The following CTNNA3 variants were observed in gnomAD, a reference collection of about 807,000 sequenced individuals.
CTNNA3 encodes catenin alpha 3.
Under a neutral mutation model 95.7 loss-of-function variants are expected in CTNNA3, and 76 were observed. That is an observed-to-expected ratio of 0.79 (90% CI 0.66 to 0.96). CTNNA3 has a LOEUF of 0.96. Ranked by LOEUF, CTNNA3 falls within the 40% of genes least tolerant of loss-of-function variation. CTNNA3 has a pLI of 0.00. For synonymous variants in CTNNA3, 431 were observed against 374.4 expected, an observed-to-expected ratio of 1.15 and a Z score of -1.74; for missense variants, 1,191 against 1,089.8, an observed-to-expected ratio of 1.09 and a Z score of -1.31.
At chr10:67,343,403 C>T (rs927948463) in intron 5 of CTNNA3, among the ~76,000 whole-genome samples, 4 of 152,010 alleles carry the variant, frequency 2.6e-5, no homozygotes, top group African/African-American at 9.7e-5. Flanking sequence ...AATATCTTTC[C>T]ATTTTTTGGT....
chr10:67,550,603 T>C (rs1840989776), intron 3 of CTNNA3, among the ~76,000 whole-genome samples: 1 of 151,276 alleles, frequency 6.6e-6, no homozygotes, highest in Non-Finnish European at 1.5e-5. Flanking sequence ...AAGAATAAAT[T>C]ATTTAAATTA....
intron 7 of CTNNA3, among the ~76,000 whole-genome samples, chr10:66,863,995 C>CA (rs1410759978): frequency 6.6e-6 from 1 of 151,918 alleles, no homozygotes; most frequent in Non-Finnish European, 1.5e-5. Flanking sequence ...CAATTTCTAC[C>CA]AAAATCCTAC....
intron 14 of CTNNA3, among the ~76,000 whole-genome samples, chr10:66,078,348 A>C (rs748261667): frequency 2.0e-5 from 3 of 151,860 alleles, no homozygotes; most frequent in Non-Finnish European, 4.4e-5. Flanking sequence ...CTTCAATTCC[A>C]GACACTTCAA....
intron 7 of CTNNA3, among the ~76,000 whole-genome samples, chr10:67,005,811 G>A (rs960323931): frequency 3.4e-5 from 5 of 147,304 alleles, no homozygotes; most frequent in Non-Finnish European, 5.9e-5. Context: ...TCAGCCTCCC[G>A]AGTAACTGGG....
chr10:66,016,603 G>A (rs185899145), intron 15 of CTNNA3, among the ~76,000 whole-genome samples: 1 of 152,206 alleles, frequency 6.6e-6, no homozygotes, highest in East Asian at 1.9e-4. Context: ...TAAAGAGTGA[G>A]TCTAATTCCA....
intron 16 of CTNNA3, among the ~76,000 whole-genome samples, chr10:65,973,099 G>A (rs1050810662): frequency 1.3e-5 from 2 of 152,054 alleles, no homozygotes; most frequent in Admixed American, 1.3e-4. Flanking sequence ...ACAAAAATAA[G>A]CAGTGACTCC....
chr10:66,051,006 AC>A (rs1230679630), intron 15 of CTNNA3, among the ~76,000 whole-genome samples: 1 of 152,078 alleles, frequency 6.6e-6, no homozygotes, highest in Non-Finnish European at 1.5e-5. Flanking sequence ...GGTGTGGGCT[AC>A]CATGCCCAGC....
At chr10:66,215,815 G>A (rs537885911) in intron 13 of CTNNA3, among the ~76,000 whole-genome samples, 2 of 152,314 alleles carry the variant, frequency 1.3e-5, no homozygotes, top group African/African-American at 4.8e-5. Flanking sequence ...TGCTGCCCAA[G>A]GTGGAAGGCA....
intron 13 of CTNNA3, among the ~76,000 whole-genome samples, chr10:66,203,556 T>A (rs1456104808): frequency 6.6e-6 from 1 of 151,998 alleles, no homozygotes; most frequent in Admixed American, 6.6e-5. Context: ...ACAAGGGCCA[T>A]AATTATAACA....
intron 7 of CTNNA3, among the ~76,000 whole-genome samples, chr10:66,830,696 G>A (rs984295681): frequency 1.3e-5 from 2 of 151,254 alleles, no homozygotes; most frequent in African/African-American, 2.4e-5. Context: ...CGCAAGCTCC[G>A]CCTCCTGGGT....
At chr10:66,894,996 T>C (rs1199657948) in intron 7 of CTNNA3, among the ~76,000 whole-genome samples, 1 of 142,390 alleles carries the variant, frequency 7.0e-6, no homozygotes, top group Non-Finnish European at 1.5e-5. Flanking sequence ...AAATTATATA[T>C]ATTTATATAT....
At chr10:66,340,418 A>C (rs2092441752) in intron 12 of CTNNA3, among the ~76,000 whole-genome samples, 1 of 151,804 alleles carries the variant, frequency 6.6e-6, no homozygotes, top group Non-Finnish European at 1.5e-5. Flanking sequence ...CTAAACTCTA[A>C]TTTAGAGATG....
chr10:67,357,650 C>A (rs1286769873), intron 5 of CTNNA3, among the ~76,000 whole-genome samples: 2 of 151,958 alleles, frequency 1.3e-5, no homozygotes, highest in Non-Finnish European at 2.9e-5. Context: ...AAAAATACAA[C>A]AGTTGGTTTG....
chr10:66,421,961 A>C (rs1210543659), intron 11 of CTNNA3, among the ~76,000 whole-genome samples: 1 of 142,576 alleles, frequency 7.0e-6, no homozygotes, highest in Non-Finnish European at 1.5e-5. Flanking sequence ...CAGGGTTGAA[A>C]TGAATCCTGC....
chr10:66,820,564 C>T (rs1842272405), intron 7 of CTNNA3, among the ~76,000 whole-genome samples: 1 of 149,550 alleles, frequency 6.7e-6, no homozygotes, highest in South Asian at 2.1e-4. Flanking sequence ...TTATGAGGTG[C>T]TTAATAAATA....
intron 1 of CTNNA3, among the ~76,000 whole-genome samples, chr10:67,722,024 A>G (rs1348348000): frequency 1.3e-5 from 2 of 152,026 alleles, no homozygotes; most frequent in African/African-American, 4.8e-5. Context: ...CCCACCTTCT[A>G]TGTTGGTCTT....
chr10:67,001,784 A>C (rs1032762494), intron 7 of CTNNA3, among the ~76,000 whole-genome samples: 1 of 152,168 alleles, frequency 6.6e-6, no homozygotes, highest in Non-Finnish European at 1.5e-5. Context: ...GCATGTAATA[A>C]AAAAGGGTGC....
chr10:67,199,785 T>A (rs1863556982), intron 6 of CTNNA3, among the ~76,000 whole-genome samples: 1 of 152,294 alleles, frequency 6.6e-6, no homozygotes, highest in Non-Finnish European at 1.5e-5. Context: ...AGTAGTATCA[T>A]CTACATAACT....
chr10:66,425,111 TAA>T (rs2093228152), intron 11 of CTNNA3, among the ~76,000 whole-genome samples: 1 of 149,872 alleles, frequency 6.7e-6, no homozygotes, highest in Admixed American at 6.7e-5. Flanking sequence ...TATTGTTATT[TAA>T]AAAAATCCTC....
Sources: gnomAD v4.1 joint callset for allele counts (sites outside exome capture counted in the v4.1 genomes callset) on GRCh38, gnomAD v4.1.1 for gene constraint, MANE v1.5 for transcripts, NCBI Gene and HGNC (gene_info 2026-07-23, HGNC 2026-07-21) for gene names.